BRCA1: variants seen among roughly 807,000 people sequenced by gnomAD.
The protein encoded by BRCA1 is BRCA1 DNA repair associated, also known as breast cancer type 1 susceptibility protein.
BRCA1 carries 140 observed loss-of-function variants against 173.7 expected under a neutral mutation model. That is an observed-to-expected ratio of 0.81 (90% CI 0.70 to 0.93). The LOEUF is 0.93. Ranked by LOEUF, BRCA1 falls within the 40% of genes least tolerant of loss-of-function variation. The pLI, the probability that BRCA1 is intolerant of heterozygous loss-of-function variation, is 0.00. For missense variants in BRCA1, 1,983 were observed against 2,172.5 expected (o/e 0.91, Z 1.73); for synonymous variants, 662 against 756.0 (o/e 0.88, Z 2.04).
chr17:43,058,135 G>A (rs1404432337), intron 18 of BRCA1, among the ~76,000 whole-genome samples: 1 of 151,942 alleles, frequency 6.6e-6, no homozygotes, highest in Non-Finnish European at 1.5e-5. Flanking sequence ...TTGGGAGGCT[G>A]AGGCAGGAGG....
chr17:43,099,108 C>CCA (rs2054260527), intron 7 of BRCA1, among the ~76,000 whole-genome samples: 1 of 151,624 alleles, frequency 6.6e-6, no homozygotes, highest in African/African-American at 2.4e-5. Context: ...CAGGCGTGAG[C>CCA]CACTGCGCCT....
chr17:43,155,735 A>G (rs2056192846), intron 1 of BRCA1, among the ~76,000 whole-genome samples: 1 of 151,966 alleles, frequency 6.6e-6, no homozygotes, highest in South Asian at 2.1e-4. Flanking sequence ...GGGTTGCACC[A>G]TGTTGCCCAG....
chr17:43,062,192 CAA>C lies in BRCA1; in HGVS notation c.5193+1139_5193+1140del, dbSNP rs8176263. 0.3 allele frequency among the ~76,000 whole-genome samples: 44,750 copies of C among 151,572 alleles called. 7,151 individuals carry two copies. The highest frequency in any genetic ancestry group is 0.49 in the South Asian group (2,366 of 4,800). ...CACTGCAGCCTTGAACTCCTGGGCT[CAA>C]GTGATTCTTCTGGCTTAGCTTCCTC... On this transcript the variant is annotated intron_variant, in intron 18 of 22. Transcript: ENST00000357654.
chr17:43,159,585 T>G, intron 1 of BRCA1: 1 of 224,540 alleles, frequency 4.5e-6, no homozygotes, highest in Non-Finnish European at 8.9e-6. Context: ...GCTCCTCACC[T>G]CCCAGACGGG....
intron 3 of BRCA1, 125 bp from the exon 4 acceptor site, chr17:43,106,658 T>C (rs1349917510): frequency 5.7e-6 from 4 of 707,160 alleles, no homozygotes; most frequent in African/African-American, 5.4e-5. Context: ...TAAAAAGTAA[T>C]GGCAGGTGAA....
chr17:43,060,326 G>A (rs1187138710), intron 18 of BRCA1, among the ~76,000 whole-genome samples: 1 of 152,048 alleles, frequency 6.6e-6, no homozygotes, highest in African/African-American at 2.4e-5. Context: ...ACAGGAATGA[G>A]CCACCACACC....
At chr17:43,108,674 T>G (rs1170029897) in intron 3 of BRCA1, among the ~76,000 whole-genome samples, 3 of 113,838 alleles carry the variant, frequency 2.6e-5, no homozygotes, top group African/African-American at 1.0e-4. Flanking sequence ...GCCACTGCAC[T>G]CCACCCTGGG....
Position 43,124,164 on chromosome 17 carries a change from TA to T in BRCA1, c.-19-50del, listed in dbSNP as rs1212080615. ...TATATATATCTTTTTAAAAGGTTTA[TA>T]AAATGACAACTTCATTTTATCATTT... On this transcript the variant is annotated intron_variant, in intron 1 of 22. Transcript: ENST00000357654. 3.7e-6 allele frequency: 4 copies of T among 1,093,346 alleles called. No individual in the cohort carries two copies. The South Asian group carries it at 5.8e-5, about 16-fold the overall frequency. 67.7% of individuals were successfully genotyped at this position (1,093,346 alleles called of 1,614,324 possible).
At position 43,104,057 on chromosome 17, in the gene BRCA1, CAA is replaced by C. The variant is rs72434991; in HGVS notation, c.441+63_441+64del. 2.3e-3 allele frequency: 2,970 copies of C among 1,284,456 alleles called. 1 individual carries two copies. The highest frequency in any genetic ancestry group is 4.3e-3 in the South Asian group (316 of 73,198). 79.6% of individuals were successfully genotyped at this position (1,284,456 alleles called of 1,614,324 possible). ...TGGGCCACAGAGCAAGACTCCATCT[CAA>C]AAAAAAAAAAGAAAAAAAAAAGAAA... On this transcript the variant is annotated intron_variant, in intron 6 of 22. Coordinates refer to ENST00000357654, the MANE Select transcript of BRCA1 (RefSeq NM_007294.4).
intron 6 of BRCA1, among the ~76,000 whole-genome samples, 170 bp from the exon 7 acceptor site, chr17:43,100,050 C>T (rs573039628): frequency 6.6e-5 from 10 of 152,296 alleles, no homozygotes; most frequent in Admixed American, 5.2e-4. Context: ...ATGTCTGGGG[C>T]TGGGAGCGGT....
At chr17:43,096,762 G>A (rs943003939) in intron 8 of BRCA1, among the ~76,000 whole-genome samples, 2 of 152,154 alleles carry the variant, frequency 1.3e-5, no homozygotes, top group Non-Finnish European at 2.9e-5. Flanking sequence ...AATTACTGCT[G>A]TGTCAATATT....
At chr17:43,046,563 A>G (rs1325361591) in intron 22 of BRCA1, among the ~76,000 whole-genome samples, 1 of 151,736 alleles carries the variant, frequency 6.6e-6, no homozygotes, top group Admixed American at 6.6e-5. Context: ...ATGCCTGGCT[A>G]ATTTTTTTTA....
chr17:43,127,261 G>A (rs2055913081), upstream of BRCA1, among the ~76,000 whole-genome samples: 1 of 152,254 alleles, frequency 6.6e-6, no homozygotes, highest in Admixed American at 6.5e-5. Flanking sequence ...CTGGGCTCCT[G>A]AGTCAGATGG....
At chr17:43,124,201 T>A in intron 1 of BRCA1, 86 bp from the exon 2 acceptor site, 1 of 836,312 alleles carries the variant, frequency 1.2e-6, no homozygotes, top group Non-Finnish European at 1.9e-6. Flanking sequence ...TAAAATAAAG[T>A]AAATTTAAGA....
intron 13 of BRCA1, among the ~76,000 whole-genome samples, chr17:43,075,761 T>C (rs2052682384): frequency 6.6e-6 from 1 of 152,082 alleles, no homozygotes; most frequent in Non-Finnish European, 1.5e-5. Flanking sequence ...CTGGACTACA[T>C]AGTCCAGTAC....
At chr17:43,099,395 C>T (rs768122642) in intron 7 of BRCA1, among the ~76,000 whole-genome samples, 5 of 151,402 alleles carry the variant, frequency 3.3e-5, no homozygotes, top group Non-Finnish European at 7.4e-5. Flanking sequence ...CTCAGCCTCC[C>T]GAGTAGCTGG....
chr17:43,049,061 G>A (rs2152901480), intron 21 of BRCA1, 60 bp downstream of exon 21: 1 of 1,530,592 alleles, frequency 6.5e-7, no homozygotes, highest in Non-Finnish European at 9.0e-7. Flanking sequence ...ACAGGTGCCA[G>A]TCTTGCTCAC....
At chr17:43,137,428 ATAAT>A (rs1368520890) in intron 1 of BRCA1, among the ~76,000 whole-genome samples, 13 of 143,576 alleles carry the variant, frequency 9.1e-5, no homozygotes, top group Non-Finnish European at 1.5e-4. Flanking sequence ...AAGTATAATA[ATAAT>A]TAAAAAAAAA....
At chr17:43,105,078 A>G in intron 4 of BRCA1, 122 bp from the exon 5 acceptor site, 8 of 764,452 alleles carry the variant, frequency 1.0e-5, no homozygotes, top group African/African-American at 1.7e-5. Flanking sequence ...GAAAACCTCT[A>G]TAATCAATAC....
Sources: allele counts gnomAD v4.1 joint callset (sites outside exome capture counted in the v4.1 genomes callset), GRCh38; gene constraint gnomAD v4.1.1; transcripts MANE v1.5; gene names NCBI Gene and HGNC (gene_info 2026-07-23, HGNC 2026-07-21).